The following RFLNA variants were observed in gnomAD, a reference collection of about 807,000 sequenced individuals.
RFLNA encodes refilin-A.
A neutral mutation model predicts 7.8 loss-of-function variants in RFLNA; 5 were observed. That is an observed-to-expected ratio of 0.64 (90% CI 0.34 to 1.35). RFLNA has a LOEUF of 1.35. Among genes scored for constraint, RFLNA ranks in the 40% most tolerant of loss-of-function variants. RFLNA has a pLI of 0.04. For synonymous variants in RFLNA, 141 were observed against 131.3 expected, an observed-to-expected ratio of 1.07 and a Z score of -0.50; for missense variants, 278 against 305.5, an observed-to-expected ratio of 0.91 and a Z score of 0.67.
intron 1 of RFLNA, among the ~76,000 whole-genome samples, chr12:124,304,657 C>T (rs1265152518): frequency 6.6e-6 from 1 of 152,216 alleles, no homozygotes; most frequent in Admixed American, 6.5e-5. Flanking sequence ...CCTCCCTGCT[C>T]GATGGGTGAG....
intron 1 of RFLNA, among the ~76,000 whole-genome samples, chr12:124,297,431 G>A (rs1484719914): frequency 3.3e-5 from 5 of 152,156 alleles, no homozygotes; most frequent in East Asian, 1.9e-4. Context: ...AGCTCATACC[G>A]TGTGCCAGGA....
At chr12:124,293,351 A>C (rs78252647), upstream of RFLNA, among the ~76,000 whole-genome samples, 100 of 152,258 alleles carry the variant, frequency 6.6e-4, no homozygotes, top group East Asian at 0.017. Context: ...CTGAGATAAG[A>C]AGAAATTAGT....
At chr12:124,310,197 G>A (rs1188116419) in intron 1 of RFLNA, among the ~76,000 whole-genome samples, 531 of 26,040 alleles carry the variant, frequency 0.02, no homozygotes, top group Non-Finnish European at 0.037. Flanking sequence ...AAAAAAAAAA[G>A]CCTTTAGAAA....
At chr12:124,292,921 A>G (rs183622558), upstream of RFLNA, among the ~76,000 whole-genome samples, 10 of 152,308 alleles carry the variant, frequency 6.6e-5, no homozygotes, top group East Asian at 1.2e-3. Flanking sequence ...TGAACAAAAC[A>G]TCAACATTTT....
upstream of RFLNA, among the ~76,000 whole-genome samples, chr12:124,291,717 C>T (rs1323742734): frequency 7.7e-6 from 1 of 129,206 alleles, no homozygotes; most frequent in Non-Finnish European, 1.6e-5. Flanking sequence ...CGTGAAAAAG[C>T]CTTTTTTTTT....
intron 1 of RFLNA, among the ~76,000 whole-genome samples, chr12:124,303,809 G>C (rs563864992): frequency 2.2e-4 from 34 of 152,162 alleles, no homozygotes; most frequent in Admixed American, 2.2e-3. Context: ...ACAGGAGCCC[G>C]GGCCTGTGGG....
At chr12:124,310,172 CAAA>C (rs71088996) in intron 1 of RFLNA, among the ~76,000 whole-genome samples, 1,005 of 17,040 alleles carry the variant, frequency 0.059, 26 homozygotes, top group Middle Eastern at 0.36. Flanking sequence ...GACTCTGTCT[CAAA>C]AAAAAAAAAA....
upstream of RFLNA, among the ~76,000 whole-genome samples, chr12:124,290,360 G>A (rs1363611066): frequency 1.3e-5 from 2 of 149,154 alleles, no homozygotes; most frequent in African/African-American, 4.9e-5. This position sits in a 1 kb window ranked among gnomAD's most constrained non-coding sequence, Gnocchi z 4.0. Context: ...ATGTGTATGT[G>A]TGTATTTGTG....
Position 124,314,401 on chromosome 12 carries a change from G to A in RFLNA, c.527G>A (p.Arg176Lys). 1.2e-6 allele frequency: 2 copies of A among 1,609,916 alleles called. No homozygotes were observed. Among genetic ancestry groups the A allele is most frequent in the Non-Finnish European group, 8.5e-7 (1 of 1,179,896 alleles). The change falls in exon 3 of 3, where the codon AGG (arginine) becomes AAG (lysine). Residue 176 changes from arginine (R) to lysine (K), a missense_variant. Physicochemically the swap from Arg to Lys is conservative, Grantham distance 26. Transcript: ENST00000546355. ...STTIIFPKHARSTFRTTLHCS... is the reference protein window; with the variant it reads ...STTIIFPKHAKSTFRTTLHCS... ...ACCATCATCTTCCCCAAGCATGCCA[G>A]GAGCACTTTCCGGACCACCCTGCAC...
intron 1 of RFLNA, among the ~76,000 whole-genome samples, chr12:124,310,220 G>A (rs1188205229): frequency 7.9e-6 from 1 of 127,172 alleles, no homozygotes; most frequent in Non-Finnish European, 1.6e-5. Context: ...GAGCCTCCTG[G>A]CCCTGCCCTG....
In RFLNA at chr12:124,305,922, C is replaced by T. The variant is rs190325367; in HGVS notation, c.208-5896C>T. Among the ~76,000 whole-genome samples the T allele has an allele frequency of 1.6e-4, 24 of 152,298 alleles. No individual in the cohort carries two copies. The East Asian group carries it at 3.3e-3, about 21-fold the overall frequency. ...ATGCCAGGGAGAGATGGGGCCACCTCGAGGCCAGCTGCTGGGGGCTTTGAA... is the reference window on the plus strand; with the variant it reads ...ATGCCAGGGAGAGATGGGGCCACCTTGAGGCCAGCTGCTGGGGGCTTTGAA... On this transcript the variant is annotated intron_variant, in intron 1 of 2. Coordinates refer to ENST00000546355, the MANE Select transcript of RFLNA (RefSeq NM_001365156.1).
At chr12:124,312,970 C>T (rs2034280189) in intron 2 of RFLNA, among the ~76,000 whole-genome samples, 1 of 152,212 alleles carries the variant, frequency 6.6e-6, no homozygotes, top group Non-Finnish European at 1.5e-5. Context: ...TCCATCCACT[C>T]GTCCCTGTTG....
At chr12:124,296,090 TTC>T (rs1271019929) in intron 1 of RFLNA, among the ~76,000 whole-genome samples, 5 of 5,896 alleles carry the variant, frequency 8.5e-4, no homozygotes, top group African/African-American at 1.4e-3. Flanking sequence ...CTTTCTTTCT[TTC>T]TTTCTTTCTT....
At chr12:124,298,254 C>A (rs1278757107) in intron 1 of RFLNA, among the ~76,000 whole-genome samples, 2 of 152,164 alleles carry the variant, frequency 1.3e-5, no homozygotes, top group African/African-American at 4.8e-5. Flanking sequence ...GCTGGACGGA[C>A]GTGCATGTTA....
At chr12:124,291,729 T>TC (rs1555293769), upstream of RFLNA, among the ~76,000 whole-genome samples, 50 of 151,912 alleles carry the variant, frequency 3.3e-4, no homozygotes, top group East Asian at 5.0e-3. Context: ...TTTTTTTTTT[T>TC]CCTCAACACC....
chr12:124,303,324 C>T (rs1041143650), intron 1 of RFLNA, among the ~76,000 whole-genome samples: 2 of 152,194 alleles, frequency 1.3e-5, no homozygotes, highest in Non-Finnish European at 2.9e-5. Flanking sequence ...CATCCCCACC[C>T]CAGCGGCTCC....
chr12:124,290,792 T>G (rs552171259), upstream of RFLNA, among the ~76,000 whole-genome samples: 81 of 152,348 alleles, frequency 5.3e-4, no homozygotes, highest in African/African-American at 1.8e-3. The surrounding 1 kb of genome is among the most constrained non-coding windows in gnomAD (Gnocchi z 4.0). Context: ...TATGCTTATA[T>G]TTAATCTTCA....
At chr12:124,295,701 G>T in intron 1 of RFLNA, 65 bp downstream of exon 1, 1 of 1,221,846 alleles carries the variant, frequency 8.2e-7, no homozygotes, top group Non-Finnish European at 1.0e-6. Context: ...GCTGCCCCCA[G>T]AGACGCGCGC....
intron 1 of RFLNA, among the ~76,000 whole-genome samples, chr12:124,310,886 C>A (rs931463756): frequency 4.6e-5 from 7 of 152,206 alleles, no homozygotes; most frequent in Non-Finnish European, 8.8e-5. Context: ...TGCCAAGATT[C>A]TTCCAGCTGC....
Sources: gnomAD v4.1 joint callset for allele counts (sites outside exome capture counted in the v4.1 genomes callset) on GRCh38, gnomAD v4.1.1 for gene constraint, Gnocchi (gnomAD v3.1) non-coding constraint, MANE v1.5 for transcripts, NCBI Gene and HGNC (gene_info 2026-07-23, HGNC 2026-07-21) for gene names.